GARNL3: variants seen among roughly 807,000 people sequenced by gnomAD.
The protein encoded by GARNL3 is GTPase-activating Rap/Ran-GAP domain-like protein 3.
In GARNL3, 63 loss-of-function variants were observed where a neutral mutation model predicts 125.0. The observed-to-expected ratio is 0.50, with a 90% CI of 0.41 to 0.62. The LOEUF (loss-of-function observed/expected upper bound fraction) is 0.62, where lower values mean the gene tolerates loss of function less well. Ranked by LOEUF, GARNL3 falls within the 20% of genes least tolerant of loss-of-function variation. The pLI is 0.00. For synonymous variants in GARNL3, 439 were observed against 457.5 expected, an observed-to-expected ratio of 0.96 and a Z score of 0.52; for missense variants, 994 against 1,244.0, an observed-to-expected ratio of 0.80 and a Z score of 3.02.
intron 7 of GARNL3, among the ~76,000 whole-genome samples, chr9:127,330,829 C>G (rs371050334): frequency 2.6e-4 from 39 of 152,214 alleles, no homozygotes; most frequent in African/African-American, 8.9e-4. Context: ...TGGGAGTGTC[C>G]TCTCTCTTCC....
intron 2 of GARNL3, among the ~76,000 whole-genome samples, chr9:127,297,712 A>G (rs1588789195): frequency 6.6e-6 from 1 of 152,376 alleles, no homozygotes; most frequent in East Asian, 1.9e-4. Context: ...AGTAAAATTC[A>G]GTTAATGCAG....
rs1388907782 is a variant in GARNL3 at position 127,332,264 on chromosome 9, T to C, written c.595-10T>C. 1.2e-6 allele frequency: 2 copies of C among 1,607,648 alleles called. No homozygotes were observed. The highest frequency in any genetic ancestry group is 1.3e-5 in the African/African-American group (1 of 74,880). On this transcript the variant is annotated splice_polypyrimidine_tract_variant and intron_variant, in intron 7 of 27. Transcript: ENST00000373387. ...AAATTAACTGTAACACCTTTTGTTA[T>C]TATCCTAAGGGCTCTGTGAATTTCA...
intron 23 of GARNL3, 49 bp downstream of exon 23, chr9:127,383,594 GA>G: frequency 7.8e-7 from 1 of 1,274,276 alleles, no homozygotes. Flanking sequence ...GGATATGTCT[GA>G]ACTATTGTAA....
Position 127,344,282 on chromosome 9 carries a change from C to A in GARNL3, c.1299C>A (p.Pro433=). ...RSFSDVLPES[P]KSARKKEEAR... is the part of the protein sequence containing the mutation. ...TTAGTGATGTCTTACCAGAGTCACC[C>A]AAGTCAGCGCGGAAGAAAGAGGAGG... The change falls in exon 15 of 28, where the codon CCC becomes CCA. Residue 433 remains proline, a synonymous_variant. Coordinates refer to ENST00000373387, the MANE Select transcript of GARNL3 (RefSeq NM_032293.5). The A allele has an allele frequency of 6.2e-7, 1 of 1,613,996 alleles. No homozygotes were observed. The highest frequency in any genetic ancestry group is 8.5e-7 in the Non-Finnish European group (1 of 1,179,914).
chr9:127,352,846 C>T (rs1211285392), intron 17 of GARNL3, among the ~76,000 whole-genome samples: 1 of 152,106 alleles, frequency 6.6e-6, no homozygotes, highest in African/African-American at 2.4e-5. Context: ...GCCCCTTGCT[C>T]CTAAATTTTA....
intron 2 of GARNL3, chr9:127,245,332 G>C (rs1361544264): frequency 6.6e-6 from 1 of 152,522 alleles, no homozygotes; most frequent in Non-Finnish European, 1.5e-5. Context: ...GGACCGAGCC[G>C]TGGTGATTGG....
At chr9:127,251,891 C>A (rs892368743) in intron 2 of GARNL3, among the ~76,000 whole-genome samples, 1 of 152,124 alleles carries the variant, frequency 6.6e-6, no homozygotes, top group African/African-American at 2.4e-5. Context: ...TGAGGATGCC[C>A]CCTCCCCTTA....
At chr9:127,325,572 G>A (rs1427812045) in intron 7 of GARNL3, among the ~76,000 whole-genome samples, 1 of 152,106 alleles carries the variant, frequency 6.6e-6, no homozygotes, top group African/African-American at 2.4e-5. Context: ...ATAAATTATG[G>A]TTTATGTATC....
At position 127,290,410 on chromosome 9, in the gene GARNL3, G is replaced by A. The variant is rs540350688; in HGVS notation, c.145-758G>A. Among the ~76,000 whole-genome samples the A allele has an allele frequency of 1.5e-3, 228 of 152,312 alleles. 1 individual carries two copies. The highest frequency in any genetic ancestry group is 2.1e-3 in the Non-Finnish European group (144 of 68,028). On this transcript the variant is annotated intron_variant, in intron 1 of 27. Transcript: ENST00000373387. Reference sequence around the variant, plus strand: ...GCTCTGAGTTAGAGAGGTGAGAAGTGCCCCTCAGGGCAGATGCGTTCTGAT... The same window carrying A: ...GCTCTGAGTTAGAGAGGTGAGAAGTACCCCTCAGGGCAGATGCGTTCTGAT...
intron 1 of GARNL3, among the ~76,000 whole-genome samples, chr9:127,228,454 C>T (rs1203735604): frequency 6.6e-6 from 1 of 152,194 alleles, no homozygotes; most frequent in Admixed American, 6.5e-5. Flanking sequence ...TCCCCACTCT[C>T]AATACTAGGC....
At chr9:127,365,225 G>C (rs953191763) in intron 21 of GARNL3, 75 bp from the exon 22 acceptor site, 1 of 1,289,384 alleles carries the variant, frequency 7.8e-7, no homozygotes, top group African/African-American at 1.5e-5. Flanking sequence ...CTCCACAAAT[G>C]CTCACAACTT....
intron 2 of GARNL3, among the ~76,000 whole-genome samples, chr9:127,258,009 G>A (rs997350091): frequency 1.3e-5 from 2 of 151,950 alleles, no homozygotes; most frequent in African/African-American, 4.8e-5. Context: ...ACCCCCTGTT[G>A]CAATGAGGAA....
upstream of GARNL3, among the ~76,000 whole-genome samples, chr9:127,262,978 C>A (rs1427842895): frequency 6.6e-6 from 1 of 152,220 alleles, no homozygotes; most frequent in Non-Finnish European, 1.5e-5. Flanking sequence ...ATGCCTCCTA[C>A]AACCCAAGAA....
At chr9:127,226,415 A>G (rs934749682) in intron 1 of GARNL3, among the ~76,000 whole-genome samples, 2 of 152,212 alleles carry the variant, frequency 1.3e-5, no homozygotes, top group African/African-American at 2.4e-5. Context: ...TGAGCCTGGC[A>G]TATAAGCATC....
At chr9:127,231,882 G>T (rs544398503) in intron 1 of GARNL3, among the ~76,000 whole-genome samples, 1 of 152,340 alleles carries the variant, frequency 6.6e-6, no homozygotes, top group South Asian at 2.1e-4. Flanking sequence ...AAGGTCATCA[G>T]TGGGTTCTAT....
At chr9:127,329,984 G>A (rs1324413797) in intron 7 of GARNL3, among the ~76,000 whole-genome samples, 1 of 152,170 alleles carries the variant, frequency 6.6e-6, no homozygotes, top group Non-Finnish European at 1.5e-5. Context: ...ACAGCCTCTT[G>A]GTTTTTTCTT....
chr9:127,230,243 T>G (rs2062978004), intron 1 of GARNL3, among the ~76,000 whole-genome samples: 1 of 152,240 alleles, frequency 6.6e-6, no homozygotes. Flanking sequence ...CTTAGTTAAC[T>G]CCTTTATAAA....
intron 1 of GARNL3, among the ~76,000 whole-genome samples, chr9:127,225,944 G>C (rs1412183162): frequency 6.6e-6 from 1 of 152,138 alleles, no homozygotes; most frequent in Non-Finnish European, 1.5e-5. Context: ...GCCCGGGCGC[G>C]TGCCCTCCCT....
rs1431661875 is a variant in GARNL3, at chr9:127,357,230, G to T, written c.1947G>T (p.Leu649=). The change falls in exon 21 of 28, where the codon CTG becomes CTT. Residue 649 remains leucine, a synonymous_variant. Coordinates refer to ENST00000373387, the MANE Select transcript of GARNL3 (RefSeq NM_032293.5). ...CACCAACCACACAGGAGATCTGTCT[G>T]TCTGACTCTCCCATGGTGATGACCT... ...EEFQYIREIC[L]SDSPMVMTLV... The T allele has an allele frequency of 2.5e-6, 4 of 1,614,088 alleles. No individual in the cohort carries two copies. Among genetic ancestry groups the T allele is most frequent in the Non-Finnish European group, 3.4e-6 (4 of 1,180,030 alleles).
Sources: allele counts gnomAD v4.1 joint callset (sites outside exome capture counted in the v4.1 genomes callset), GRCh38; gene constraint gnomAD v4.1.1; transcripts MANE v1.5; gene names NCBI Gene and HGNC (gene_info 2026-07-23, HGNC 2026-07-21).